TSPOAP1: variants seen among roughly 807,000 people sequenced by gnomAD.
TSPOAP1 encodes the protein TSPO associated protein 1, also known as peripheral-type benzodiazepine receptor-associated protein 1.
Under a neutral mutation model 197.0 loss-of-function variants are expected in TSPOAP1, and 87 were observed. The observed-to-expected ratio is 0.44, with a 90% CI of 0.37 to 0.53. The LOEUF is 0.53. TSPOAP1 is among the 20% of genes least tolerant of loss of function. The pLI, the probability that TSPOAP1 is intolerant of heterozygous loss-of-function variation, is 0.00. For synonymous variants in TSPOAP1, 913 were observed against 998.9 expected (o/e 0.91, Z 1.62); for missense variants, 2,174 against 2,411.3 (o/e 0.90, Z 2.06).
rs567200240 is a variant in TSPOAP1, at chr17:58,308,582, C to T, written c.4690G>A (p.Gly1564Ser). The change falls in exon 22 of 32, where the codon GGC becomes AGC. Residue 1564 changes from glycine (G) to serine (S), a missense_variant. Physicochemically the swap from Gly to Ser is moderately conservative, Grantham distance 56. Coordinates refer to ENST00000343736, the MANE Select transcript of TSPOAP1 (RefSeq NM_004758.4). ...AWEKGEPERR[G>S]RSATGRAKEP... ...TTGGCTCTGCCCGTCGCACTGCGGC[C>T]TCTCCGCTCTGGTTCCCCTTTCTCC... is the stretch of plus-strand genomic sequence containing the variant. 16 of 1,568,100 alleles carry T rather than the reference C, an allele frequency of 1.0e-5. No individual in the cohort carries two copies. The Admixed American group carries it at 1.5e-4, about 14-fold the overall frequency.
At position 58,305,843 on chromosome 17, in the gene TSPOAP1, C is replaced by T. The variant is rs148464443; in HGVS notation, c.5247G>A (p.Gln1749=). The T allele has an allele frequency of 4.3e-4, 700 of 1,612,946 alleles. 8 individuals are homozygous for T. The South Asian group carries it at 5.9e-3, about 14-fold the overall frequency. The part of the protein sequence containing the change: ...SKKAESEGPA[Q]PCPGPPKLVP... ...GGGATATTCCTTCACCTGGACAGGG[C>T]TGGGCAGGGCCTTCCGACTCAGCTG... is the stretch of plus-strand genomic sequence containing the variant. Residue 1749 remains glutamine, a synonymous_variant, in exon 27 of 32, where the codon CAG becomes CAA. Transcript: ENST00000343736.
chr17:58,303,611 T>TG (rs1970783530), intron 31 of TSPOAP1: 1 of 152,236 alleles, frequency 6.6e-6, no homozygotes, highest in South Asian at 2.1e-4. Context: ...AATAATGGTT[T>TG]GGGGTTATTT....
chr17:58,324,077 G>C lies in TSPOAP1; in HGVS notation c.943-532C>G, dbSNP rs1012974255. ...CTTCCGATTATCCGTGCAAACTTTG[G>C]GGGAGGACAGGTCTTGATGGGAGGG... On this transcript the variant is annotated intron_variant, in intron 5 of 31. Transcript: ENST00000343736. The surrounding 1 kb of genome is among the most constrained non-coding windows in gnomAD (Gnocchi z 5.8). Among the ~76,000 whole-genome samples, 3 of 152,170 alleles carry C rather than the reference G, an allele frequency of 2.0e-5. No individual in the cohort carries two copies. The highest frequency in any genetic ancestry group is 2.1e-4 in the South Asian group (1 of 4,824).
In TSPOAP1 at chr17:58,324,160, C is replaced by G. The variant is rs571719456; in HGVS notation, c.943-615G>C. Among the ~76,000 whole-genome samples the G allele has an allele frequency of 1.2e-4, 19 of 152,356 alleles. No individual in the cohort carries two copies. The South Asian group carries it at 2.1e-3, about 17-fold the overall frequency. ...AAAATCTGAGCAAGAAGCCTCCCCC[C>G]ACCCGGAGGTCTTGGTCACTATCAG... is the stretch of plus-strand genomic sequence containing the variant. On this transcript the variant is annotated intron_variant, in intron 5 of 31. Transcript: ENST00000343736. The surrounding 1 kb of genome is among the most constrained non-coding windows in gnomAD (Gnocchi z 5.8).
rs748526855 is a variant in TSPOAP1, at chr17:58,307,917, C to T, written c.4756G>A (p.Gly1586Arg). ...SRATETGEAR[G>R]QDGSGRRGPQ... ...CCCCTCCGCCCAGAGCCGTCCTGCC[C>T]TCTGGCCTCTCCGGTCTCTGTTGCC... is the stretch of plus-strand genomic sequence containing the variant. The change falls in exon 23 of 32, where the codon GGG becomes AGG. Residue 1586 changes from glycine (G) to arginine (R), a missense_variant. Coordinates refer to ENST00000343736, the MANE Select transcript of TSPOAP1 (RefSeq NM_004758.4). 3.7e-6 allele frequency: 6 copies of T among 1,612,972 alleles called. No individual in the cohort carries two copies. In the South Asian group the frequency reaches 4.4e-5, roughly 12 times the overall value.
chr17:58,328,159 G>A lies in TSPOAP1; in HGVS notation c.-239C>T, dbSNP rs1008133066. On this transcript the variant is annotated 5_prime_UTR_variant, in exon 1 of 32. Transcript: ENST00000343736. The surrounding 1 kb of genome is among the most constrained non-coding windows in gnomAD (Gnocchi z 4.3). Reference sequence around the variant, plus strand: ...TGTTTGCTGGTAGCTGTGTGTGTGCGCGAGTATGTGGAGGAGCGAGGGTGT... The same window carrying A: ...TGTTTGCTGGTAGCTGTGTGTGTGCACGAGTATGTGGAGGAGCGAGGGTGT... The A allele has an allele frequency of 1.4e-5, 8 of 565,394 alleles. No homozygotes were observed. The highest frequency in any genetic ancestry group is 1.9e-5 in the Non-Finnish European group (6 of 315,448). 35.0% of individuals were successfully genotyped at this position (565,394 alleles called of 1,614,324 possible).
At position 58,304,206 on chromosome 17, in the gene TSPOAP1, A is replaced by T; in HGVS notation, c.*32+132T>A. 1.4e-6 allele frequency: 1 copy of T among 708,880 alleles called. No homozygotes were observed. The highest frequency in any genetic ancestry group is 1.8e-5 in the South Asian group (1 of 54,608). The allele number at this position is 708,880 out of a possible 1,614,324, so 43.9% of individuals were successfully genotyped here. A position where few individuals can be genotyped will look rare whatever the true frequency, so the allele number is the denominator to read the frequency against. ...CTTCATGCAAATCTGGCTCATGGCA[A>T]GCTCTCCTTCGCCATTCCCTGGACT... On this transcript the variant is annotated intron_variant, in intron 31 of 31. Coordinates refer to ENST00000343736, the MANE Select transcript of TSPOAP1 (RefSeq NM_004758.4). This position sits in a 1 kb window ranked among gnomAD's most constrained non-coding sequence, Gnocchi z 4.2.
chr17:58,305,522 C>G lies in TSPOAP1; in HGVS notation c.5361+18G>C, dbSNP rs753629833. On this transcript the variant is annotated intron_variant, in intron 28 of 31. Transcript: ENST00000343736. ...CTCTGCCACCGCCCTTTGCTGGGCT[C>G]TATCTGAGGGTCCTCACCTCCACGT... is the stretch of plus-strand genomic sequence containing the variant. 2 of 1,611,186 alleles carry G rather than the reference C, an allele frequency of 1.2e-6. No individual in the cohort carries two copies. The highest frequency in any genetic ancestry group is 8.5e-7 in the Non-Finnish European group (1 of 1,178,090).
At position 58,326,381 on chromosome 17, in the gene TSPOAP1, C is replaced by T; in HGVS notation, c.482G>A (p.Arg161Lys). 1.2e-6 allele frequency: 2 copies of T among 1,614,020 alleles called. No individual in the cohort carries two copies. The highest frequency in any genetic ancestry group is 1.7e-6 in the Non-Finnish European group (2 of 1,180,028). ...CAGCTCGGCGTTCTTCCTCTTCAGC[C>T]TCCGCACCTTCTCTTCTGTCTCAGG... ...SFPETEEKVR[R>K]LKRKNAELAV... The change falls in exon 3 of 32, where the codon AGG becomes AAG. Residue 161 changes from arginine to lysine, a missense_variant. This residue lies in a region of TSPOAP1 where 1,933 missense variants were observed against 2,139.0 expected (regional missense o/e 0.90). Coordinates refer to ENST00000343736, the MANE Select transcript of TSPOAP1 (RefSeq NM_004758.4). The surrounding 1 kb of genome is among the most constrained non-coding windows in gnomAD (Gnocchi z 4.7).
chr17:58,312,847 AC>A, intron 16 of TSPOAP1, 125 bp from the exon 17 acceptor site: 1 of 694,538 alleles, frequency 1.4e-6, no homozygotes, highest in Non-Finnish European at 2.3e-6. Flanking sequence ...ATTCAAATCA[AC>A]ATTTAACTGT....
In TSPOAP1 at chr17:58,314,654, C is replaced by A. The variant is rs527671429; in HGVS notation, c.2098+1369G>T. Among the ~76,000 whole-genome samples, 15 of 152,338 alleles carry A rather than the reference C, an allele frequency of 9.8e-5. No homozygotes were observed. The East Asian group carries it at 2.9e-3, about 29-fold the overall frequency. On this transcript the variant is annotated intron_variant, in intron 16 of 31. Coordinates refer to ENST00000343736, the MANE Select transcript of TSPOAP1 (RefSeq NM_004758.4). ...TCAGACTTCTGGCCTCCAGAAGAGG[C>A]CAGTGAGAGAATAAATGTCTATTGT...
In TSPOAP1 at chr17:58,308,600, C is replaced by T; in HGVS notation, c.4672G>A (p.Gly1558Arg). 6.3e-7 allele frequency: 1 copy of T among 1,591,194 alleles called. No individual in the cohort carries two copies. Reference sequence around the variant, plus strand: ...CTGCGGCCTCTCCGCTCTGGTTCCCCTTTCTCCCAGGCTGGGAGGCGTGGG... The same window carrying T: ...CTGCGGCCTCTCCGCTCTGGTTCCCTTTTCTCCCAGGCTGGGAGGCGTGGG... The part of the protein sequence containing the change: ...PYPRLPAWEK[G>R]EPERRGRSAT... The change falls in exon 22 of 32, where the codon GGG (glycine) becomes AGG (arginine). Residue 1558 changes from glycine (G) to arginine (R), a missense_variant. By Grantham distance (125) the Gly-to-Arg change is moderately radical (BLOSUM62 -2). Coordinates refer to ENST00000343736, the MANE Select transcript of TSPOAP1 (RefSeq NM_004758.4).
At chr17:58,310,377 A>G (rs1971042627) in intron 20 of TSPOAP1, 135 bp downstream of exon 20, 43 of 1,356,804 alleles carry the variant, frequency 3.2e-5, no homozygotes, top group Non-Finnish European at 4.3e-5. Context: ...AAACAGACAC[A>G]TAGCACAGCC....
chr17:58,306,630 G>A (rs376469588), intron 25 of TSPOAP1, 170 bp downstream of exon 25: 79 of 970,624 alleles, frequency 8.1e-5, no homozygotes, highest in Admixed American at 5.6e-4. Context: ...CACTCCACGC[G>A]GCCAGCCCAC....
In TSPOAP1 at chr17:58,316,975, T is replaced by C. The variant is rs184044090; in HGVS notation, c.1873-435A>G. Among the ~76,000 whole-genome samples, 385 of 152,278 alleles carry C rather than the reference T, an allele frequency of 2.5e-3. 1 individual carries two copies. Among genetic ancestry groups the C allele is most frequent in the Non-Finnish European group, 3.5e-3 (240 of 68,002 alleles). ...ACTTTGAGAGGCTGAGGAGGGCAGA[T>C]TGCTTGAGCCAGGAGTTTGAGACCA... On this transcript the variant is annotated intron_variant, in intron 14 of 31. Coordinates refer to ENST00000343736, the MANE Select transcript of TSPOAP1 (RefSeq NM_004758.4).
At chr17:58,319,667 T>G (rs1401997247) in intron 12 of TSPOAP1, among the ~76,000 whole-genome samples, 1 of 152,188 alleles carries the variant, frequency 6.6e-6, no homozygotes, top group African/African-American at 2.4e-5. Flanking sequence ...GCTCCACTGC[T>G]CATCACCCTC....
chr17:58,309,051 TCTC>T lies in TSPOAP1; in HGVS notation c.4218_4220del (p.Arg1407del). 1 of 1,612,060 alleles carries T rather than the reference TCTC, an allele frequency of 6.2e-7. No individual in the cohort carries two copies. The highest frequency in any genetic ancestry group is 8.5e-7 in the Non-Finnish European group (1 of 1,179,992). On this transcript the variant is annotated inframe_deletion, in exon 22 of 32. Transcript: ENST00000343736. This position sits in a 1 kb window ranked among gnomAD's most constrained non-coding sequence, Gnocchi z 5.0. Reference sequence around the variant, plus strand: ...GGGGCTTCTCAGGGGAGCCCCCTCCTCTCCTCCGGCTGCTTCCACCAACTAATC... The same window carrying T: ...GGGGCTTCTCAGGGGAGCCCCCTCCTCTCCGGCTGCTTCCACCAACTAATC...
chr17:58,310,204 G>T, intron 20 of TSPOAP1, 46 bp from the exon 21 acceptor site: 1 of 1,570,134 alleles, frequency 6.4e-7, no homozygotes. Context: ...CAGTGAGGGG[G>T]CACAGGGGGT....
intron 16 of TSPOAP1, among the ~76,000 whole-genome samples, chr17:58,314,270 G>A (rs1971152070): frequency 6.6e-6 from 1 of 152,178 alleles, no homozygotes; most frequent in Non-Finnish European, 1.5e-5. Context: ...GATATAATAA[G>A]CACTGTAGAG....
Sources: allele counts gnomAD v4.1 joint callset (sites outside exome capture counted in the v4.1 genomes callset), GRCh38; gene constraint gnomAD v4.1.1; regional missense constraint gnomAD v4.1.1; non-coding constraint Gnocchi (gnomAD v3.1); transcripts MANE v1.5; gene names NCBI Gene and HGNC (gene_info 2026-07-23, HGNC 2026-07-21).